The following C4orf33 variants were observed in gnomAD, a reference collection of about 807,000 sequenced individuals.
C4orf33 encodes the protein chromosome 4 open reading frame 33.
In C4orf33, 20 loss-of-function variants were observed where a neutral mutation model predicts 24.3. The observed-to-expected ratio is 0.82, with a 90% CI of 0.58 to 1.19. The LOEUF is 1.19. Ranked by LOEUF, C4orf33 falls within the 50% of genes most tolerant of loss-of-function variation. The probability of loss-of-function intolerance (pLI) is 0.00; values close to 1 mark genes in which losing one functional copy is unlikely to be tolerated. For synonymous variants in C4orf33, 67 were observed against 76.4 expected, an observed-to-expected ratio of 0.88 and a Z score of 0.64; for missense variants, 207 against 225.9, an observed-to-expected ratio of 0.92 and a Z score of 0.54.
chr4:129,094,051 T>G (rs1753087998), upstream of C4orf33: 1 of 152,336 alleles, frequency 6.6e-6, no homozygotes, highest in East Asian at 1.9e-4. Context: ...TCGGTCTTTG[T>G]GGGTCTTTAG....
chr4:129,100,508 A>G (rs1198466974), intron 1 of C4orf33, among the ~76,000 whole-genome samples: 1 of 152,176 alleles, frequency 6.6e-6, no homozygotes, highest in African/African-American at 2.4e-5. Context: ...TGGAAATGAT[A>G]GGCCACTTTT....
At chr4:129,105,373 C>G (rs541853154) in intron 2 of C4orf33, among the ~76,000 whole-genome samples, 1 of 152,220 alleles carries the variant, frequency 6.6e-6, no homozygotes, top group African/African-American at 2.4e-5. Context: ...TAATGTTAAT[C>G]TCATCTTTAA....
intron 2 of C4orf33, among the ~76,000 whole-genome samples, chr4:129,106,193 G>A (rs1172243012): frequency 6.6e-6 from 1 of 151,990 alleles, no homozygotes; most frequent in African/African-American, 2.4e-5. Flanking sequence ...TAATCATTTA[G>A]ATCATTTCTA....
chr4:129,109,302 G>T lies in C4orf33; in HGVS notation c.243-5G>T. The T allele has an allele frequency of 6.2e-7, 1 of 1,613,504 alleles. No homozygotes were observed. Among genetic ancestry groups the T allele is most frequent in the Non-Finnish European group, 8.5e-7 (1 of 1,179,462 alleles). On this transcript the variant is annotated splice_region_variant and splice_polypyrimidine_tract_variant and intron_variant, in intron 3 of 5. Coordinates refer to ENST00000425929, the MANE Select transcript of C4orf33 (RefSeq NM_001099783.2). ...AACACTCATGAGGAATCTTAATTTT[G>T]ACAGCCACGGACAGCATTTAGTGCT...
chr4:129,093,776 T>G (rs1753072996), upstream of C4orf33: 1 of 153,116 alleles, frequency 6.5e-6, no homozygotes, highest in African/African-American at 2.4e-5. Flanking sequence ...CTCCAGGTAG[T>G]GAGGCCCAAC....
intron 3 of C4orf33, among the ~76,000 whole-genome samples, chr4:129,107,139 C>T (rs1343610624): frequency 6.6e-6 from 1 of 151,814 alleles, no homozygotes; most frequent in African/African-American, 2.4e-5. Flanking sequence ...TGTATTCATT[C>T]TTTATTCATC....
rs1267440571 is a variant in C4orf33 at position 129,112,184 on chromosome 4, T to C, written c.*393T>C. The C allele has an allele frequency of 6.5e-6, 1 of 154,968 alleles. No individual in the cohort carries two copies. The highest frequency in any genetic ancestry group is 1.4e-5 in the Non-Finnish European group (1 of 69,938). The allele number at this position is 154,968 out of a possible 1,614,324, so 9.6% of individuals were successfully genotyped here. A position where few individuals can be genotyped will look rare whatever the true frequency, so the allele number is the denominator to read the frequency against. ...TAGATATATACCCCAGAAAAATGACTGCTCATAGCAGCTTTATTCATAATA... is the reference window on the plus strand; with the variant it reads ...TAGATATATACCCCAGAAAAATGACCGCTCATAGCAGCTTTATTCATAATA... On this transcript the variant is annotated 3_prime_UTR_variant, in exon 6 of 6. Transcript: ENST00000425929.
intron 2 of C4orf33, among the ~76,000 whole-genome samples, chr4:129,104,994 C>A (rs1237565414): frequency 6.6e-6 from 1 of 151,670 alleles, no homozygotes; most frequent in Non-Finnish European, 1.5e-5. Context: ...GATATATATA[C>A]ACACATGTAT....
At chr4:129,096,479 A>G (rs1320021893) in intron 1 of C4orf33, among the ~76,000 whole-genome samples, 1 of 152,164 alleles carries the variant, frequency 6.6e-6, no homozygotes, top group Non-Finnish European at 1.5e-5. Flanking sequence ...AGGAATTTGG[A>G]AATTTTCCTT....
chr4:129,111,861 AT>A lies in C4orf33; in HGVS notation c.*76del, dbSNP rs548904374. 1.1e-4 allele frequency: 90 copies of A among 793,304 alleles called. No homozygotes were observed. In the South Asian group the frequency reaches 1.7e-3, roughly 15 times the overall value. The allele number at this position is 793,304 out of a possible 1,614,324, so 49.1% of individuals were successfully genotyped here. On this transcript the variant is annotated 3_prime_UTR_variant, in exon 6 of 6. Transcript: ENST00000425929. ...TAAGATAAACAAAAAATAAATATCA[AT>A]TTTTTAAGATGTCATGCATACATTT...
Position 129,111,845 on chromosome 4 carries a change from C to A in C4orf33, c.*54C>A. On this transcript the variant is annotated 3_prime_UTR_variant, in exon 6 of 6. Coordinates refer to ENST00000425929, the MANE Select transcript of C4orf33 (RefSeq NM_001099783.2). ...TTTCCTCTATACCTTTTAAGATAAA[C>A]AAAAAATAAATATCAATTTTTTAAG... 1.0e-6 allele frequency: 1 copy of A among 957,996 alleles called. No individual in the cohort carries two copies. Among genetic ancestry groups the A allele is most frequent in the South Asian group, 1.7e-5 (1 of 59,922 alleles). The allele number at this position is 957,996 out of a possible 1,614,324, so 59.3% of individuals were successfully genotyped here. A position where few individuals can be genotyped will look rare whatever the true frequency, so the allele number is the denominator to read the frequency against.
At chr4:129,099,391 T>G (rs1753288912) in intron 1 of C4orf33, among the ~76,000 whole-genome samples, 1 of 152,250 alleles carries the variant, frequency 6.6e-6, no homozygotes, top group Admixed American at 6.5e-5. Flanking sequence ...CTGGGCTTAT[T>G]ATCTTTGTTA....
rs1470598364 is a variant in C4orf33 at position 129,116,333 on chromosome 4, A to G, written c.*4542A>G. 2 of 152,198 alleles carry G rather than the reference A, an allele frequency of 1.3e-5. No individual in the cohort carries two copies. Among genetic ancestry groups the G allele is most frequent in the African/African-American group, 4.8e-5 (2 of 41,458 alleles). 9.4% of individuals were successfully genotyped at this position (152,198 alleles called of 1,614,324 possible). ...TTACAATGAAATAATATATAGCTAC[A>G]TCACTGGCTCCTGAGAGAGCTTTGG... On this transcript the variant is annotated 3_prime_UTR_variant, in exon 6 of 6. Transcript: ENST00000425929.
rs140348326 is a variant in C4orf33, at chr4:129,111,739, A to C, written c.548A>C (p.Glu183Ala). The C allele has an allele frequency of 6.2e-7, 1 of 1,613,094 alleles. No homozygotes were observed. Among genetic ancestry groups the C allele is most frequent in the Non-Finnish European group, 8.5e-7 (1 of 1,179,346 alleles). ...SFNFNTLLGE[E>A]WKQPESDLWL... ...AATTTTAACACACTGCTTGGAGAAG[A>C]GTGGAAACAACCGGAATCAGACCTG... The change falls in exon 6 of 6, where the codon GAG (glutamate) becomes GCG (alanine). Residue 183 changes from glutamate (E) to alanine (A), a missense_variant. Coordinates refer to ENST00000425929, the MANE Select transcript of C4orf33 (RefSeq NM_001099783.2).
Position 129,114,936 on chromosome 4 carries a change from A to G in C4orf33, c.*3145A>G, listed in dbSNP as rs1349239495. ...GTAATCTTAAATGGGCAACTGTAGC[A>G]ACCACAGCCTGACAAGGTAAAGCAA... On this transcript the variant is annotated 3_prime_UTR_variant, in exon 6 of 6. Coordinates refer to ENST00000425929, the MANE Select transcript of C4orf33 (RefSeq NM_001099783.2). The G allele has an allele frequency of 6.6e-6, 1 of 152,208 alleles. No individual in the cohort carries two copies. Among genetic ancestry groups the G allele is most frequent in the Admixed American group, 6.5e-5 (1 of 15,286 alleles). 9.4% of individuals were successfully genotyped at this position (152,208 alleles called of 1,614,324 possible).
intron 1 of C4orf33, among the ~76,000 whole-genome samples, chr4:129,099,445 T>A (rs925395368): frequency 6.6e-5 from 10 of 152,224 alleles, no homozygotes; most frequent in Non-Finnish European, 1.5e-4. Flanking sequence ...AATGAGATGA[T>A]GATACCACGA....
chr4:129,102,941 T>C (rs1753405598), intron 2 of C4orf33, 150 bp downstream of exon 2: 2 of 593,292 alleles, frequency 3.4e-6, no homozygotes, highest in Non-Finnish European at 5.5e-6. Flanking sequence ...TCTCTCATTC[T>C]GACTTTTTCT....
intron 2 of C4orf33, 79 bp downstream of exon 2, chr4:129,102,870 C>A: frequency 7.4e-7 from 1 of 1,349,222 alleles, no homozygotes; most frequent in Non-Finnish European, 1.0e-6. Context: ...TTTTATCTTG[C>A]TGTTGGGAAG....
rs1753727111 is a variant in C4orf33 at position 129,113,367 on chromosome 4, T to A, written c.*1576T>A. On this transcript the variant is annotated 3_prime_UTR_variant, in exon 6 of 6. Coordinates refer to ENST00000425929, the MANE Select transcript of C4orf33 (RefSeq NM_001099783.2). Reference sequence around the variant, plus strand: ...TAAACATTTTCTTTTGAAAGGAACATGCATATCAACTACAGAATTTCGGAA... The same window carrying A: ...TAAACATTTTCTTTTGAAAGGAACAAGCATATCAACTACAGAATTTCGGAA... 4 of 152,176 alleles carry A rather than the reference T, an allele frequency of 2.6e-5. No homozygotes were observed. The South Asian group carries it at 8.3e-4, about 31-fold the overall frequency. The allele number at this position is 152,176 out of a possible 1,614,324, so 9.4% of individuals were successfully genotyped here.
Sources: allele counts gnomAD v4.1 joint callset (sites outside exome capture counted in the v4.1 genomes callset), GRCh38; gene constraint gnomAD v4.1.1; transcripts MANE v1.5; gene names NCBI Gene and HGNC (gene_info 2026-07-23, HGNC 2026-07-21).